Variants in MOB3B observed in about 807,000 individuals in gnomAD.
The protein encoded by MOB3B is MOB kinase activator 3B, also known as MOB kinase activator-like 2B.
MOB3B carries 7 observed loss-of-function variants against 18.7 expected under a neutral mutation model. That is an observed-to-expected ratio of 0.37 (90% CI 0.21 to 0.70). The LOEUF (loss-of-function observed/expected upper bound fraction) is 0.70. Ranked by LOEUF, MOB3B falls within the 30% of genes least tolerant of loss-of-function variation. The pLI is 0.52. For synonymous variants in MOB3B, 111 were observed against 99.9 expected, an observed-to-expected ratio of 1.11 and a Z score of -0.66; for missense variants, 253 against 281.3, an observed-to-expected ratio of 0.90 and a Z score of 0.72.
At chr9:27,422,417 C>A (rs751718006) in intron 2 of MOB3B, among the ~76,000 whole-genome samples, 3 of 152,202 alleles carry the variant, frequency 2.0e-5, no homozygotes, top group Non-Finnish European at 2.9e-5. Flanking sequence ...ATGACCAACA[C>A]CTATCTTGGT....
chr9:27,510,836 G>C (rs919629141), intron 1 of MOB3B, among the ~76,000 whole-genome samples: 2 of 152,208 alleles, frequency 1.3e-5, no homozygotes, highest in African/African-American at 4.8e-5. Context: ...TCCACACAGT[G>C]GGGGTCAGGA....
chr9:27,369,971 G>A (rs1397081274), intron 2 of MOB3B, among the ~76,000 whole-genome samples: 1 of 137,282 alleles, frequency 7.3e-6, no homozygotes, highest in Non-Finnish European at 1.5e-5. Context: ...CCAGGAGACT[G>A]AAAATTGTGT....
intron 1 of MOB3B, among the ~76,000 whole-genome samples, chr9:27,509,236 A>C (rs762420022): frequency 3.9e-5 from 6 of 152,156 alleles, no homozygotes; most frequent in Non-Finnish European, 1.5e-5. Flanking sequence ...TCATAGTTCC[A>C]ATGCCAAGCC....
intron 2 of MOB3B, among the ~76,000 whole-genome samples, chr9:27,412,735 G>C (rs1413805156): frequency 1.3e-5 from 2 of 152,222 alleles, no homozygotes; most frequent in Middle Eastern, 3.2e-3. Flanking sequence ...TGAAAATGAA[G>C]GCGACTCCAG....
chr9:27,351,453 A>C (rs1248906219), intron 3 of MOB3B, among the ~76,000 whole-genome samples: 1 of 152,234 alleles, frequency 6.6e-6, no homozygotes, highest in Non-Finnish European at 1.5e-5. Flanking sequence ...ATGTGGTAGC[A>C]TAATAGTGGA....
At chr9:27,465,272 A>G (rs1819363622) in intron 1 of MOB3B, among the ~76,000 whole-genome samples, 1 of 152,190 alleles carries the variant, frequency 6.6e-6, no homozygotes, top group Admixed American at 6.5e-5. Context: ...GGGCCCATGC[A>G]AGTCCGAAAT....
intron 1 of MOB3B, among the ~76,000 whole-genome samples, chr9:27,523,714 C>T (rs1820378475): frequency 6.6e-6 from 1 of 152,144 alleles, no homozygotes; most frequent in South Asian, 2.1e-4. Flanking sequence ...CTCTATTCTT[C>T]ATCTTTTTGG....
At chr9:27,461,177 G>A (rs921050776) in intron 1 of MOB3B, among the ~76,000 whole-genome samples, 3 of 152,106 alleles carry the variant, frequency 2.0e-5, no homozygotes, top group Admixed American at 6.5e-5. Context: ...CCTTGGAATC[G>A]TCCTCCCACT....
At chr9:27,456,489 C>G (rs1352490965) in intron 1 of MOB3B, among the ~76,000 whole-genome samples, 1 of 152,194 alleles carries the variant, frequency 6.6e-6, no homozygotes, top group African/African-American at 2.4e-5. Flanking sequence ...TCCTGATAAT[C>G]TTCTAGAAAC....
intron 1 of MOB3B, among the ~76,000 whole-genome samples, chr9:27,527,026 G>C: frequency 6.8e-6 from 1 of 146,966 alleles, no homozygotes; most frequent in East Asian, 2.0e-4. Context: ...TTATTCCAAG[G>C]AAATAGGTTT....
At position 27,399,539 on chromosome 9, in the gene MOB3B, C is replaced by T. The variant is rs1254650157; in HGVS notation, c.419-40303G>A. The stretch of plus-strand genomic sequence containing the variant: ...AGGAACTTGGCTGAGAGGCAAGTTG[C>T]TGAACAACTGTTTTAGAGTATTTCA... On this transcript the variant is annotated intron_variant, in intron 2 of 3. Coordinates refer to ENST00000262244, the MANE Select transcript of MOB3B (RefSeq NM_024761.5). Among the ~76,000 whole-genome samples the T allele has an allele frequency of 3.3e-5, 5 of 152,160 alleles. No individual in the cohort carries two copies. The East Asian group carries it at 9.6e-4, about 29-fold the overall frequency.
At chr9:27,491,822 G>A (rs985606575) in intron 1 of MOB3B, among the ~76,000 whole-genome samples, 3 of 152,122 alleles carry the variant, frequency 2.0e-5, no homozygotes, top group Non-Finnish European at 2.9e-5. Context: ...GCAGTGAGCC[G>A]AGATCGCACC....
At chr9:27,486,896 T>G (rs533316034) in intron 1 of MOB3B, among the ~76,000 whole-genome samples, 2 of 152,264 alleles carry the variant, frequency 1.3e-5, no homozygotes, top group Admixed American at 6.5e-5. Context: ...TTTGGGAGGC[T>G]GAGGCAGATG....
At chr9:27,346,760 C>T (rs1300765600) in intron 3 of MOB3B, among the ~76,000 whole-genome samples, 2 of 152,070 alleles carry the variant, frequency 1.3e-5, no homozygotes, top group Non-Finnish European at 2.9e-5. Context: ...TTTGGGAGGT[C>T]GAGGTGGATG....
At chr9:27,527,408 A>G (rs746893206) in intron 1 of MOB3B, among the ~76,000 whole-genome samples, 2 of 152,144 alleles carry the variant, frequency 1.3e-5, no homozygotes, top group Non-Finnish European at 2.9e-5. Flanking sequence ...AGGTAAAGAG[A>G]TATAATACCC....
chr9:27,512,757 A>C (rs1820165778), intron 1 of MOB3B, among the ~76,000 whole-genome samples: 1 of 152,226 alleles, frequency 6.6e-6, no homozygotes, highest in Non-Finnish European at 1.5e-5. Flanking sequence ...TTTAGTAAAT[A>C]ATAGATTAGG....
At chr9:27,368,353 T>TACAC (rs138287792) in intron 2 of MOB3B, among the ~76,000 whole-genome samples, 58,668 of 145,738 alleles carry the variant, frequency 0.4, 12,602 homozygotes, top group South Asian at 0.51. Flanking sequence ...CACACATACA[T>TACAC]ACACACACAC....
intron 1 of MOB3B, among the ~76,000 whole-genome samples, chr9:27,499,937 GT>G (rs1289853610): frequency 1.3e-5 from 2 of 152,134 alleles, no homozygotes; most frequent in Non-Finnish European, 2.9e-5. Context: ...ATCACTAAAT[GT>G]TTATGAATTT....
At chr9:27,381,015 T>G (rs902155210) in intron 2 of MOB3B, among the ~76,000 whole-genome samples, 1 of 152,092 alleles carries the variant, frequency 6.6e-6, no homozygotes, top group Non-Finnish European at 1.5e-5. Context: ...ATGATCTGGG[T>G]GAGCTTTGGA....
Sources: allele counts gnomAD v4.1 joint callset (sites outside exome capture counted in the v4.1 genomes callset), GRCh38; gene constraint gnomAD v4.1.1; transcripts MANE v1.5; gene names NCBI Gene and HGNC (gene_info 2026-07-23, HGNC 2026-07-21).